The following MYO5B variants were observed in gnomAD, a reference collection of about 807,000 sequenced individuals.
MYO5B encodes myosin VB, also known as unconventional myosin-Vb.
MYO5B carries 143 observed loss-of-function variants against 229.3 expected under a neutral mutation model. The observed-to-expected ratio is 0.62, with a 90% confidence interval of 0.54 to 0.72. The LOEUF (loss-of-function observed/expected upper bound fraction) is 0.72. MYO5B is among the 30% of genes least tolerant of loss of function. The pLI is 0.00. For synonymous variants in MYO5B, 918 were observed against 885.2 expected (o/e 1.04, Z -0.66); for missense variants, 2,321 against 2,331.0 (o/e 1.00, Z 0.09).
At chr18:50,060,572 G>C (rs1018178418) in intron 1 of MYO5B, among the ~76,000 whole-genome samples, 1 of 152,178 alleles carries the variant, frequency 6.6e-6, no homozygotes, top group South Asian at 2.1e-4. Context: ...TCAAAGAAAA[G>C]CTTGTGATTT....
intron 34 of MYO5B, 96 bp from the exon 35 acceptor site, chr18:49,841,550 A>T (rs1465896573): frequency 1.7e-6 from 2 of 1,143,998 alleles, no homozygotes; most frequent in East Asian, 4.8e-5. Context: ...ACCCTTACCT[A>T]GTGTTCCTGA....
chr18:50,056,693 G>C (rs1222755401), intron 1 of MYO5B, among the ~76,000 whole-genome samples: 2 of 151,872 alleles, frequency 1.3e-5, no homozygotes, highest in African/African-American at 4.8e-5. Context: ...GCGGCCAGCT[G>C]GCTTTACTTT....
intron 2 of MYO5B, among the ~76,000 whole-genome samples, chr18:50,055,060 CTT>C (rs549183479): frequency 2.1e-4 from 32 of 152,296 alleles, no homozygotes; most frequent in African/African-American, 7.2e-4. Flanking sequence ...CCAATAAACA[CTT>C]ATTTTTTGTG....
At chr18:50,127,459 G>C (rs942480828) in intron 1 of MYO5B, among the ~76,000 whole-genome samples, 2 of 152,178 alleles carry the variant, frequency 1.3e-5, no homozygotes, top group Non-Finnish European at 2.9e-5. Flanking sequence ...GACAAGAGTG[G>C]TCAAACTCAT....
chr18:49,985,597 C>T (rs150713007), intron 7 of MYO5B, among the ~76,000 whole-genome samples: 1 of 152,256 alleles, frequency 6.6e-6, no homozygotes, highest in Non-Finnish European at 1.5e-5. Context: ...CGAAGTTACC[C>T]TTAAAAACTG....
intron 19 of MYO5B, 67 bp from the exon 20 acceptor site, chr18:49,904,895 T>C (rs370938303): frequency 3.2e-6 from 5 of 1,566,688 alleles, no homozygotes; most frequent in East Asian, 2.3e-5. Context: ...CAGAGAACCC[T>C]GAGACATCTG....
At chr18:49,966,922 C>T (rs2025632334) in intron 10 of MYO5B, among the ~76,000 whole-genome samples, 1 of 152,192 alleles carries the variant, frequency 6.6e-6, no homozygotes, top group South Asian at 2.1e-4. Flanking sequence ...TTTTCCTTTA[C>T]AATGGAATTA....
chr18:50,175,485 G>T (rs140862209), intron 1 of MYO5B, among the ~76,000 whole-genome samples: 1 of 152,234 alleles, frequency 6.6e-6, no homozygotes, highest in African/African-American at 2.4e-5. Flanking sequence ...TTAAGATCAA[G>T]TGAGTTGGAA....
intron 16 of MYO5B, 21 bp from the exon 17 acceptor site, chr18:49,929,619 A>C (rs551616931): frequency 6.3e-7 from 1 of 1,583,646 alleles, no homozygotes; most frequent in Non-Finnish European, 8.6e-7. Flanking sequence ...AGAAAAAAAA[A>C]AAAAAAAGCA....
At chr18:50,042,547 C>T (rs977765217) in intron 2 of MYO5B, among the ~76,000 whole-genome samples, 8 of 152,144 alleles carry the variant, frequency 5.3e-5, no homozygotes, top group East Asian at 1.9e-4. Flanking sequence ...ATCATGTAGA[C>T]GATGCAGAAA....
intron 20 of MYO5B, among the ~76,000 whole-genome samples, 176 bp downstream of exon 20, chr18:49,904,496 T>C (rs2024877166): frequency 6.6e-6 from 1 of 152,218 alleles, no homozygotes; most frequent in Non-Finnish European, 1.5e-5. Context: ...AAGACAACAG[T>C]ATGCACACCC....
intron 10 of MYO5B, among the ~76,000 whole-genome samples, chr18:49,965,579 T>C (rs1450971593): frequency 6.6e-6 from 1 of 151,766 alleles, no homozygotes; most frequent in Non-Finnish European, 1.5e-5. Context: ...GCTCCACAAG[T>C]TCTGAGTAAT....
At chr18:49,852,709 T>C (rs2024216409) in intron 31 of MYO5B, among the ~76,000 whole-genome samples, 1 of 152,106 alleles carries the variant, frequency 6.6e-6, no homozygotes, top group Non-Finnish European at 1.5e-5. Context: ...CCTTGGTCCA[T>C]GCTTTTCTTC....
chr18:50,080,214 C>A (rs1006236142), intron 1 of MYO5B, among the ~76,000 whole-genome samples: 5 of 152,024 alleles, frequency 3.3e-5, no homozygotes, highest in Admixed American at 1.3e-4. Flanking sequence ...CTCAGCAAGC[C>A]CTTGGGAGCA....
intron 2 of MYO5B, 43 bp downstream of exon 2, chr18:50,055,225 G>GGGCCCCCGCC: frequency 1.4e-6 from 1 of 700,376 alleles, no homozygotes; most frequent in Non-Finnish European, 2.7e-6. Context: ...TGAGCTCCCT[G>GGGCCCCCGCC]CCCCACCTCA....
intron 1 of MYO5B, among the ~76,000 whole-genome samples, chr18:50,191,033 A>G (rs771255531): frequency 6.6e-6 from 1 of 152,250 alleles, no homozygotes; most frequent in Non-Finnish European, 1.5e-5. Context: ...ATACACTAAA[A>G]TGAATAATCT....
At position 49,992,338 on chromosome 18, in the gene MYO5B, C is replaced by T. The variant is rs200010695; in HGVS notation, c.706G>A (p.Gly236Arg). ...AAGAGGTAAGTCCTCATGTTGGCCC[C>T]GATGATGTGGTACCTTTTGTCAAAG... ...IGFDKRYHIIGANMRTYLLEK... is the reference protein window; with the variant it reads ...IGFDKRYHIIRANMRTYLLEK... The change falls in exon 6 of 40, where the codon GGG (glycine) becomes AGG (arginine). Residue 236 changes from glycine to arginine, a missense_variant. By Grantham distance (125) the Gly-to-Arg change is moderately radical. Coordinates refer to ENST00000285039, the MANE Select transcript of MYO5B (RefSeq NM_001080467.3). 114 of 1,613,984 alleles carry T rather than the reference C, an allele frequency of 7.1e-5. No homozygotes were observed. Among genetic ancestry groups the T allele is most frequent in the African/African-American group, 1.1e-4 (8 of 74,874 alleles).
intron 33 of MYO5B, among the ~76,000 whole-genome samples, chr18:49,846,813 CTG>C (rs2024133427): frequency 2.6e-5 from 4 of 152,096 alleles, no homozygotes; most frequent in South Asian, 2.1e-4. Context: ...GCACTGTGGC[CTG>C]CAGAGAGCTG....
chr18:50,149,776 C>T (rs1477445037), intron 1 of MYO5B, among the ~76,000 whole-genome samples: 9 of 152,106 alleles, frequency 5.9e-5, no homozygotes, highest in African/African-American at 1.9e-4. Flanking sequence ...CAGGCACGGG[C>T]AAGGACTTCA....
Sources: gnomAD v4.1 joint callset for allele counts (sites outside exome capture counted in the v4.1 genomes callset) on GRCh38, gnomAD v4.1.1 for gene constraint, MANE v1.5 for transcripts, NCBI Gene and HGNC (gene_info 2026-07-23, HGNC 2026-07-21) for gene names.